The following SLC71A1 variants were observed in gnomAD, a reference collection of about 807,000 sequenced individuals.
SLC71A1 encodes the protein solute carrier family 71 member 1.
chr1:100,073,998 C>T, the SLC71A1 span, among the ~76,000 whole-genome samples: 11 of 152,236 alleles, frequency 7.2e-5, no homozygotes, highest in African/African-American at 2.4e-4. Context: ...TTTCCATAAA[C>T]ACTTATTAAG....
At chr1:100,073,572 C>T in the SLC71A1 span, among the ~76,000 whole-genome samples, 79 of 152,320 alleles carry the variant, frequency 5.2e-4, 2 homozygotes, top group Admixed American at 6.5e-5. Context: ...ATCTCCATCA[C>T]ACTGCCCTGT....
At chr1:100,077,072 G>A in the SLC71A1 span, 9 of 635,480 alleles carry the variant, frequency 1.4e-5, no homozygotes, top group African/African-American at 1.5e-4. Flanking sequence ...CAGCCAAATT[G>A]TAGAAAAGTG....
At chr1:100,047,500 G>C in the SLC71A1 span, among the ~76,000 whole-genome samples, 3 of 152,178 alleles carry the variant, frequency 2.0e-5, no homozygotes, top group Non-Finnish European at 4.4e-5. Context: ...TTGGCTCACC[G>C]CAACTTCCGC....
chr1:100,078,353 A>T, the SLC71A1 span: 1 of 771,456 alleles, frequency 1.3e-6, no homozygotes, highest in Non-Finnish European at 2.2e-6. Flanking sequence ...CCTTTTCTCT[A>T]CAGCCATTTC....
the SLC71A1 span, chr1:100,082,115 G>A: frequency 6.2e-7 from 1 of 1,614,178 alleles, no homozygotes; most frequent in Non-Finnish European, 8.5e-7. Flanking sequence ...AGGTCCAGCA[G>A]TTGGAGAAAG....
chr1:100,053,997 T>G, the SLC71A1 span, among the ~76,000 whole-genome samples: 2 of 151,824 alleles, frequency 1.3e-5, no homozygotes. Flanking sequence ...TATAAGGATC[T>G]GTAATGCCAA....
chr1:100,065,346 G>GA, the SLC71A1 span, among the ~76,000 whole-genome samples: 1 of 152,170 alleles, frequency 6.6e-6, no homozygotes, highest in East Asian at 1.9e-4. Flanking sequence ...GCATTCTTGT[G>GA]AAGTTTAAGT....
At chr1:100,048,341 A>G in the SLC71A1 span, among the ~76,000 whole-genome samples, 1 of 152,044 alleles carries the variant, frequency 6.6e-6, no homozygotes, top group Non-Finnish European at 1.5e-5. Context: ...CACCATGCCC[A>G]GCTAATTTTT....
chr1:100,078,486 C>T, the SLC71A1 span: 1 of 1,613,552 alleles, frequency 6.2e-7, no homozygotes. Flanking sequence ...GCAGCCATGT[C>T]TAGCATCACC....
chr1:100,044,927 C>T, the SLC71A1 span, among the ~76,000 whole-genome samples: 7 of 152,104 alleles, frequency 4.6e-5, no homozygotes, highest in African/African-American at 1.2e-4. Flanking sequence ...AATTTAAAGT[C>T]GGGTAATGTG....
chr1:100,081,108 T>A, the SLC71A1 span, among the ~76,000 whole-genome samples: 1 of 152,234 alleles, frequency 6.6e-6, no homozygotes, highest in Non-Finnish European at 1.5e-5. Context: ...GTTTCCTGGC[T>A]TATTTAGCAG....
At chr1:100,081,061 A>G in the SLC71A1 span, among the ~76,000 whole-genome samples, 4 of 152,230 alleles carry the variant, frequency 2.6e-5, no homozygotes, top group African/African-American at 9.6e-5. Flanking sequence ...AATGCCAAAC[A>G]ATGCTGATCA....
the SLC71A1 span, among the ~76,000 whole-genome samples, chr1:100,074,808 G>T: frequency 1.3e-4 from 20 of 152,326 alleles, no homozygotes; most frequent in South Asian, 3.5e-3. Context: ...CCCGGAGGCA[G>T]AGGTGGCAGT....
chr1:100,075,173 G>T, the SLC71A1 span, among the ~76,000 whole-genome samples: 87 of 152,312 alleles, frequency 5.7e-4, no homozygotes, highest in Middle Eastern at 0.01. Flanking sequence ...GAAAGAACAC[G>T]TGCTCCAGGG....
the SLC71A1 span, among the ~76,000 whole-genome samples, chr1:100,064,244 C>A: frequency 6.6e-6 from 1 of 152,094 alleles, no homozygotes; most frequent in East Asian, 1.9e-4. Context: ...TGGGTTCAAA[C>A]GATTCTGCTG....
chr1:100,044,307 T>C, the SLC71A1 span, among the ~76,000 whole-genome samples: 1 of 152,214 alleles, frequency 6.6e-6, no homozygotes, highest in African/African-American at 2.4e-5. Flanking sequence ...TTGGTGATGT[T>C]GAGCATCTTT....
At chr1:100,070,319 A>G in the SLC71A1 span, among the ~76,000 whole-genome samples, 3 of 152,216 alleles carry the variant, frequency 2.0e-5, no homozygotes, top group African/African-American at 7.2e-5. Context: ...CAAAATTCTC[A>G]GGAGAGACTG....
At chr1:100,041,816 C>A in the SLC71A1 span, among the ~76,000 whole-genome samples, 1 of 151,716 alleles carries the variant, frequency 6.6e-6, no homozygotes, top group Non-Finnish European at 1.5e-5. Context: ...CCCAGCTACC[C>A]GGGAGGCCGA....
chr1:100,071,289 CAA>C, the SLC71A1 span, among the ~76,000 whole-genome samples: 88 of 53,388 alleles, frequency 1.6e-3, no homozygotes, highest in South Asian at 6.9e-3. Flanking sequence ...CCATCTCTAC[CAA>C]AAAAAAAAAA....
Sources: allele counts gnomAD v4.1 joint callset (sites outside exome capture counted in the v4.1 genomes callset), GRCh38; gene constraint gnomAD v4.1.1; transcripts MANE v1.5; gene names NCBI Gene and HGNC (gene_info 2026-07-23, HGNC 2026-07-21).